MTCL1: variants seen among roughly 807,000 people sequenced by gnomAD.
MTCL1 encodes the protein microtubule cross-linking factor 1.
A neutral mutation model predicts 141.4 loss-of-function variants in MTCL1; 79 were observed. The ratio of observed to expected loss-of-function variants is 0.56; its 90% CI spans 0.47 to 0.67. The LOEUF (loss-of-function observed/expected upper bound fraction) is 0.67. Ranked by LOEUF, MTCL1 falls within the 30% of genes least tolerant of loss-of-function variation. The pLI is 0.00. For synonymous variants in MTCL1, 914 were observed against 875.8 expected (o/e 1.04, Z -0.77); for missense variants, 2,177 against 2,113.9 (o/e 1.03, Z -0.59).
intron 4 of MTCL1, among the ~76,000 whole-genome samples, chr18:8,765,484 C>T (rs192853790): frequency 3.6e-4 from 55 of 152,318 alleles, no homozygotes; most frequent in African/African-American, 1.2e-3. Flanking sequence ...GAGCAAGAGC[C>T]TCCTCCCCCA....
chr18:8,721,608 T>A (rs2096173312), intron 4 of MTCL1, among the ~76,000 whole-genome samples: 1 of 152,166 alleles, frequency 6.6e-6, no homozygotes, highest in Non-Finnish European at 1.5e-5. Flanking sequence ...CTTATCTCTT[T>A]CGGGTCCTTG....
chr18:8,736,799 G>A (rs868099081), intron 4 of MTCL1, among the ~76,000 whole-genome samples: 7 of 151,812 alleles, frequency 4.6e-5, no homozygotes, highest in Admixed American at 6.6e-5. Flanking sequence ...CACCATGCCC[G>A]GCTAATTTTT....
intron 4 of MTCL1, 110 bp downstream of exon 3, chr18:8,720,606 G>A (rs1481228738): frequency 1.8e-6 from 2 of 1,095,252 alleles, no homozygotes; most frequent in African/African-American, 1.6e-5. Context: ...GCAAATCGTG[G>A]CCTGTTTGTT....
chr18:8,735,693 G>A (rs750694043), intron 4 of MTCL1, among the ~76,000 whole-genome samples: 4 of 152,156 alleles, frequency 2.6e-5, no homozygotes, highest in Non-Finnish European at 5.9e-5. Context: ...GAGATAGAGC[G>A]TGTGAGCTGA....
At chr18:8,709,479 C>G (rs1211195879) in intron 1 of MTCL1, among the ~76,000 whole-genome samples, 2 of 152,120 alleles carry the variant, frequency 1.3e-5, no homozygotes, top group Non-Finnish European at 2.9e-5. Context: ...CAAGTTTGAG[C>G]CTCTGTGCCT....
chr18:8,708,036 CACTT>C (rs1435466215), intron 1 of MTCL1, among the ~76,000 whole-genome samples: 3 of 152,204 alleles, frequency 2.0e-5, no homozygotes, highest in African/African-American at 7.2e-5. Flanking sequence ...TTGTTTTTGT[CACTT>C]ACTCTTAGGT....
At chr18:8,756,377 A>ATGTATATATGTGTGTATATG (rs2096398653) in intron 4 of MTCL1, among the ~76,000 whole-genome samples, 1 of 147,112 alleles carries the variant, frequency 6.8e-6, no homozygotes, top group African/African-American at 2.7e-5. Flanking sequence ...ATGTGTATAT[A>ATGTATATATGTGTGTATATG]TGTATATATG....
exon 15 of MTCL1, chr18:8,825,989 G>A (rs145849851): frequency 1.7e-5 from 27 of 1,601,022 alleles, no homozygotes; most frequent in African/African-American, 1.3e-4. Context: ...GAGGAAGGTC[G>A]CCTAGCCCCA....
intron 4 of MTCL1, among the ~76,000 whole-genome samples, chr18:8,776,217 G>C (rs899373248): frequency 6.6e-6 from 1 of 152,152 alleles, no homozygotes; most frequent in African/African-American, 2.4e-5. Context: ...CTTTCCTTTC[G>C]CAGGCTTGCC....
intron 7 of MTCL1, 43 bp downstream of exon 6, chr18:8,786,134 C>T: frequency 2.0e-6 from 3 of 1,529,128 alleles, no homozygotes; most frequent in Non-Finnish European, 1.8e-6. Context: ...CCTCCCCCTC[C>T]TTTTTCTGTG....
At chr18:8,796,544 A>T in intron 9 of MTCL1, 82 bp downstream of exon 8, 1 of 1,317,106 alleles carries the variant, frequency 7.6e-7, no homozygotes. Flanking sequence ...CCCACCCTAC[A>T]CACAGTCATG....
intron 10 of MTCL1, chr18:8,802,013 T>G (rs2076139397): frequency 6.6e-6 from 1 of 152,238 alleles, no homozygotes; most frequent in Non-Finnish European, 1.5e-5. Context: ...TAATGGTTTT[T>G]AGAAAAGAAC....
chr18:8,767,794 G>A (rs888554626), intron 4 of MTCL1, among the ~76,000 whole-genome samples: 1 of 151,600 alleles, frequency 6.6e-6, no homozygotes, highest in Non-Finnish European at 1.5e-5. Flanking sequence ...TTGGGGGAAT[G>A]GAAAAAAAAT....
chr18:8,797,409 T>G (rs2075964039), intron 9 of MTCL1, among the ~76,000 whole-genome samples: 2 of 152,258 alleles, frequency 1.3e-5, no homozygotes, highest in Admixed American at 1.3e-4. Flanking sequence ...TTCTGTTTGC[T>G]TTTGTATTGA....
At chr18:8,794,850 C>G (rs1029642779) in intron 8 of MTCL1, among the ~76,000 whole-genome samples, 1 of 152,174 alleles carries the variant, frequency 6.6e-6, no homozygotes, top group African/African-American at 2.4e-5. Context: ...AGATTAACTG[C>G]CTCTTTTATT....
Position 8,784,715 on chromosome 18 carries a change from C to T in MTCL1, c.1603C>T (p.Arg535Cys), listed in dbSNP as rs201511046. The T allele has an allele frequency of 1.2e-4, 188 of 1,614,198 alleles. No homozygotes were observed. The highest frequency in any genetic ancestry group is 5.7e-4 in the African/African-American group (43 of 75,060). ...GCAGGCCTTCCTGGAGCAGGTGAACCGCATTGGGGATGGCCTATCCCCCTT... is the reference window on the plus strand; with the variant it reads ...GCAGGCCTTCCTGGAGCAGGTGAACTGCATTGGGGATGGCCTATCCCCCTT... Residue 535 changes from arginine to cysteine, a missense_variant, in exon 6 of 17, where the codon CGC (arginine) becomes TGC (cysteine). Physicochemically the swap from Arg to Cys is radical, Grantham distance 180 (BLOSUM62 -3). Coordinates refer to ENST00000359865, the Ensembl canonical transcript of MTCL1.
intron 4 of MTCL1, among the ~76,000 whole-genome samples, chr18:8,724,653 A>G (rs593639): frequency 0.42 from 64,493 of 151,946 alleles, 15,006 homozygotes; most frequent in African/African-American, 0.6. Flanking sequence ...ATGACACAGC[A>G]GCCTATTACC....
intron 7 of MTCL1, among the ~76,000 whole-genome samples, chr18:8,791,149 G>A (rs2075711045): frequency 1.3e-5 from 2 of 152,200 alleles, no homozygotes; most frequent in African/African-American, 4.8e-5. Context: ...CAGGAGATGG[G>A]GCCTGGGCCC....
At position 8,744,207 on chromosome 18, in the gene MTCL1, C is replaced by T. The variant is rs368400787; in HGVS notation, c.357+23711C>T. 1.1e-3 allele frequency among the ~76,000 whole-genome samples: 170 copies of T among 152,368 alleles called. 2 individuals carry two copies. Among genetic ancestry groups the T allele is most frequent in the South Asian group, 6.8e-3 (33 of 4,830 alleles). Reference sequence around the variant, plus strand: ...TGCCCGGGCCCACTGGCACCCTTTCCGCCGCTAGCTAGGTGCATGCGGTTA... The same window carrying T: ...TGCCCGGGCCCACTGGCACCCTTTCTGCCGCTAGCTAGGTGCATGCGGTTA... On this transcript the variant is annotated intron_variant, in intron 4 of 16. Transcript: ENST00000359865.
Sources: allele counts gnomAD v4.1 joint callset (sites outside exome capture counted in the v4.1 genomes callset), GRCh38; gene constraint gnomAD v4.1.1; transcripts MANE v1.5; gene names NCBI Gene and HGNC (gene_info 2026-07-23, HGNC 2026-07-21).